NRXN1: variants seen among roughly 807,000 people sequenced by gnomAD.
NRXN1 encodes neurexin 1.
NRXN1 carries 39 observed loss-of-function variants against 150.9 expected under a neutral mutation model. The observed-to-expected ratio is 0.26, with a 90% CI of 0.20 to 0.34. NRXN1 has a LOEUF of 0.34. NRXN1 is among the 10% of genes least tolerant of loss of function. The probability of loss-of-function intolerance (pLI) is 1.00; values close to 1 mark genes in which losing one functional copy is unlikely to be tolerated. For synonymous variants in NRXN1, 924 were observed against 757.0 expected, an observed-to-expected ratio of 1.22 and a Z score of -3.62; for missense variants, 1,815 against 1,949.9, an observed-to-expected ratio of 0.93 and a Z score of 1.30.
chr2:50,559,713 G>A (rs1481484294), intron 8 of NRXN1, among the ~76,000 whole-genome samples: 1 of 151,998 alleles, frequency 6.6e-6, no homozygotes, highest in East Asian at 1.9e-4. Context: ...ACTTATGTTA[G>A]AATATATGGT....
chr2:50,062,596 A>C (rs1197316657), intron 19 of NRXN1, among the ~76,000 whole-genome samples: 1 of 152,172 alleles, frequency 6.6e-6, no homozygotes, highest in Admixed American at 6.6e-5. Context: ...ATTACAAAGA[A>C]TCAAGGTAAG....
intron 5 of NRXN1, among the ~76,000 whole-genome samples, chr2:50,809,423 T>C (rs1274558056): frequency 6.6e-6 from 1 of 152,116 alleles, no homozygotes; most frequent in Non-Finnish European, 1.5e-5. Flanking sequence ...AGGTAGGTGC[T>C]TTCCTAGAGA....
intron 5 of NRXN1, among the ~76,000 whole-genome samples, chr2:50,840,821 A>G (rs1672762818): frequency 6.6e-6 from 1 of 152,172 alleles, no homozygotes; most frequent in Admixed American, 6.5e-5. Context: ...CCTTGTTATG[A>G]GGACATTTTG....
At chr2:50,020,468 C>G (rs1370170885) in intron 21 of NRXN1, among the ~76,000 whole-genome samples, 1 of 152,142 alleles carries the variant, frequency 6.6e-6, no homozygotes, top group Non-Finnish European at 1.5e-5. Flanking sequence ...CAATACCTAC[C>G]TGAAATTTTG....
chr2:50,478,871 C>T (rs1162302832), intron 15 of NRXN1, among the ~76,000 whole-genome samples: 2 of 152,180 alleles, frequency 1.3e-5, no homozygotes, highest in Non-Finnish European at 2.9e-5. Context: ...GGGTGAATGA[C>T]TCAACTTTGC....
At chr2:51,013,599 A>T (rs1450901415) in intron 2 of NRXN1, among the ~76,000 whole-genome samples, 3 of 151,988 alleles carry the variant, frequency 2.0e-5, no homozygotes, top group African/African-American at 7.2e-5. Context: ...AGAACTGAAA[A>T]TATATTTCAA....
At chr2:50,128,828 C>T (rs1358023676) in intron 18 of NRXN1, among the ~76,000 whole-genome samples, 2 of 151,480 alleles carry the variant, frequency 1.3e-5, no homozygotes, top group East Asian at 3.9e-4. Flanking sequence ...ATTAAAACTA[C>T]AAAAATTAAC....
chr2:50,636,846 C>T (rs912242660), intron 5 of NRXN1, among the ~76,000 whole-genome samples: 2 of 151,948 alleles, frequency 1.3e-5, no homozygotes, highest in African/African-American at 4.8e-5. Flanking sequence ...TTATTTGTCC[C>T]CAAATTTAAA....
intron 18 of NRXN1, among the ~76,000 whole-genome samples, chr2:50,164,688 C>T (rs1306637184): frequency 1.3e-5 from 2 of 152,112 alleles, no homozygotes; most frequent in Admixed American, 6.6e-5. Flanking sequence ...TCAATAGCAA[C>T]CCCCACCGCC....
chr2:50,876,989 T>C (rs1427368105), intron 5 of NRXN1, among the ~76,000 whole-genome samples: 1 of 151,910 alleles, frequency 6.6e-6, no homozygotes, highest in African/African-American at 2.4e-5. Flanking sequence ...ATTTTCTTCC[T>C]CCACATATCC....
rs867598793 is a variant in NRXN1 at position 50,528,526 on chromosome 2, T to G, written c.2374+99A>C. 4.5e-5 allele frequency: 33 copies of G among 730,252 alleles called. No homozygotes were observed. In the Middle Eastern group the frequency reaches 3.3e-3, roughly 72 times the overall value. The allele number at this position is 730,252 out of a possible 1,614,324, so 45.2% of individuals were successfully genotyped here. The stretch of plus-strand genomic sequence containing the variant: ...TACTTTAAAAGTGAGCTCATGAGTT[T>G]TATAAACACATTTCTCTTGCTCTCT... On this transcript the variant is annotated intron_variant, in intron 12 of 22. Coordinates refer to ENST00000401669, the MANE Select transcript of NRXN1 (RefSeq NM_001330078.2).
intron 17 of NRXN1, among the ~76,000 whole-genome samples, chr2:50,359,658 A>G (rs1357322252): frequency 6.6e-6 from 1 of 152,122 alleles, no homozygotes; most frequent in Non-Finnish European, 1.5e-5. Context: ...TGAAGGGGAT[A>G]ATGGAACCAA....
rs112867077 is a variant in NRXN1 at position 50,865,580 on chromosome 2, A to ATGTGTGTGTGTGTGTGTGTGTGTG, written c.832+56265_832+56288dup. Among the ~76,000 whole-genome samples, 54 of 130,764 alleles carry ATGTGTGTGTGTGTGTGTGTGTGTG rather than the reference A, an allele frequency of 4.1e-4. No homozygotes were observed. In the East Asian group the frequency reaches 0.011, roughly 26 times the overall value. The allele number at this position is 130,764 out of a possible 152,430, so 85.8% of individuals were successfully genotyped here. A position where few individuals can be genotyped will look rare whatever the true frequency, so the allele number is the denominator to read the frequency against. ...TCTCTAAGTGGCTCCAAATATATAA[A>ATGTGTGTGTGTGTGTGTGTGTGTG]TGTGTGTGTGTGTGTGTGTGTGTGT... On this transcript the variant is annotated intron_variant, in intron 5 of 22. Transcript: ENST00000401669.
chr2:51,031,401 A>T (rs1485246822), intron 1 of NRXN1, among the ~76,000 whole-genome samples: 1 of 152,112 alleles, frequency 6.6e-6, no homozygotes, highest in Non-Finnish European at 1.5e-5. Context: ...TTCTGATATC[A>T]CACACACATA....
At chr2:50,637,517 A>G (rs535017686) in intron 5 of NRXN1, 2 of 152,254 alleles carry the variant, frequency 1.3e-5, no homozygotes, top group Non-Finnish European at 2.9e-5. Flanking sequence ...GACTTGAGGT[A>G]ACTCACAGAA....
chr2:50,591,520 G>A (rs1674246545), intron 8 of NRXN1, among the ~76,000 whole-genome samples: 1 of 152,038 alleles, frequency 6.6e-6, no homozygotes, highest in African/African-American at 2.4e-5. Context: ...TGATAGTGAT[G>A]TAAAAAAATG....
chr2:50,053,716 C>T (rs1485098198), intron 20 of NRXN1, 126 bp from the exon 21 acceptor site: 5 of 932,906 alleles, frequency 5.4e-6, no homozygotes. Flanking sequence ...AGGCATTTGA[C>T]TCATAATTCA....
At chr2:50,279,946 G>T (rs114424751) in intron 17 of NRXN1, among the ~76,000 whole-genome samples, 1 of 152,080 alleles carries the variant, frequency 6.6e-6, no homozygotes, top group Admixed American at 6.6e-5. Context: ...TTGTAGTTCA[G>T]GTTTCCCTCC....
At chr2:50,179,057 G>A (rs1360323660) in intron 18 of NRXN1, among the ~76,000 whole-genome samples, 1 of 152,058 alleles carries the variant, frequency 6.6e-6, no homozygotes, top group East Asian at 1.9e-4. Context: ...TAGTTCAAAG[G>A]AGCAAAACAC....
Sources: allele counts gnomAD v4.1 joint callset (sites outside exome capture counted in the v4.1 genomes callset), GRCh38; gene constraint gnomAD v4.1.1; transcripts MANE v1.5; gene names NCBI Gene and HGNC (gene_info 2026-07-23, HGNC 2026-07-21).